AGBL4: variants seen among roughly 807,000 people sequenced by gnomAD.
AGBL4 encodes the protein cytosolic carboxypeptidase 6.
Under a neutral mutation model 66.4 loss-of-function variants are expected in AGBL4, and 58 were observed. The ratio of observed to expected loss-of-function variants is 0.87; its 90% CI spans 0.71 to 1.09. The LOEUF (loss-of-function observed/expected upper bound fraction) is 1.09, where lower values mean the gene tolerates loss of function less well. Ranked by LOEUF, AGBL4 falls within the 50% of genes least tolerant of loss-of-function variation. The pLI is 0.00. For missense variants in AGBL4, 579 were observed against 631.0 expected (o/e 0.92, Z 0.88); for synonymous variants, 234 against 222.9 (o/e 1.05, Z -0.44).
intron 4 of AGBL4, among the ~76,000 whole-genome samples, chr1:49,095,977 T>C (rs529586821): frequency 1.2e-4 from 18 of 151,488 alleles, no homozygotes; most frequent in Admixed American, 8.5e-4. Flanking sequence ...TACAATGAAA[T>C]CAAACAAATT....
In AGBL4 at chr1:49,474,809, G is replaced by C. The variant is rs1340435359; in HGVS notation, c.282+222504C>G. ...CTGTCCTTTTTGGAAAGACTTTCCA[G>C]GTATTTGAAATAACTGGAGTGTTGT... On this transcript the variant is annotated intron_variant, in intron 3 of 13. Coordinates refer to ENST00000371839, the MANE Select transcript of AGBL4 (RefSeq NM_032785.4). Among the ~76,000 whole-genome samples, 3 of 152,048 alleles carry C rather than the reference G, an allele frequency of 2.0e-5. No homozygotes were observed. The South Asian group carries it at 6.2e-4, about 32-fold the overall frequency.
At chr1:48,663,002 C>T (rs1259898760) in intron 7 of AGBL4, 150 bp downstream of exon 7, 9 of 664,744 alleles carry the variant, frequency 1.4e-5, no homozygotes, top group South Asian at 2.0e-5. Context: ...GAAATAAAAC[C>T]TAATGGAGAT....
At chr1:49,794,686 T>C (rs1557453517) in intron 2 of AGBL4, among the ~76,000 whole-genome samples, 1 of 151,990 alleles carries the variant, frequency 6.6e-6, no homozygotes, top group African/African-American at 2.4e-5. Context: ...GTTTTGATGA[T>C]AAAAGATTTT....
At chr1:49,063,456 T>C (rs969365195) in intron 4 of AGBL4, among the ~76,000 whole-genome samples, 3 of 152,172 alleles carry the variant, frequency 2.0e-5, no homozygotes, top group Non-Finnish European at 4.4e-5. Flanking sequence ...AGATAAATGA[T>C]TGGGCTGAAG....
At chr1:48,722,581 C>T (rs1647169330) in intron 6 of AGBL4, among the ~76,000 whole-genome samples, 1 of 152,096 alleles carries the variant, frequency 6.6e-6, no homozygotes, top group Non-Finnish European at 1.5e-5. Flanking sequence ...CTCTCTGGCT[C>T]CAAAACTGAT....
intron 1 of AGBL4, among the ~76,000 whole-genome samples, chr1:49,869,505 A>G (rs939335171): frequency 2.6e-5 from 4 of 152,182 alleles, no homozygotes; most frequent in African/African-American, 9.7e-5. Flanking sequence ...CAGAAAACTA[A>G]ATACCACATG....
intron 3 of AGBL4, among the ~76,000 whole-genome samples, chr1:49,619,114 G>T (rs904453974): frequency 6.6e-6 from 1 of 152,130 alleles, no homozygotes; most frequent in Non-Finnish European, 1.5e-5. Flanking sequence ...GGAAGTTCTG[G>T]TCAGGGCAAT....
At chr1:48,912,902 G>A (rs762349064) in intron 5 of AGBL4, among the ~76,000 whole-genome samples, 22 of 152,096 alleles carry the variant, frequency 1.4e-4, no homozygotes, top group Non-Finnish European at 2.8e-4. Context: ...CAGACCATAA[G>A]AGTCAGTGAA....
intron 2 of AGBL4, among the ~76,000 whole-genome samples, chr1:49,787,167 G>A (rs1476961167): frequency 2.6e-5 from 4 of 152,054 alleles, no homozygotes; most frequent in African/African-American, 9.7e-5. Flanking sequence ...AGAGAAGGGC[G>A]GACATATCAC....
At chr1:49,084,888 C>A (rs550882645) in intron 4 of AGBL4, among the ~76,000 whole-genome samples, 1 of 152,122 alleles carries the variant, frequency 6.6e-6, no homozygotes, top group Admixed American at 6.5e-5. Flanking sequence ...GGTCTGAGAC[C>A]GTCATGTTGT....
intron 1 of AGBL4, among the ~76,000 whole-genome samples, chr1:50,018,959 T>C (rs1662204547): frequency 1.3e-5 from 2 of 152,096 alleles, no homozygotes; most frequent in African/African-American, 4.8e-5. Context: ...ACCAAATATC[T>C]AACTTTAGCA....
At chr1:49,974,907 C>A (rs2148371286) in intron 1 of AGBL4, among the ~76,000 whole-genome samples, 1 of 152,072 alleles carries the variant, frequency 6.6e-6, no homozygotes, top group Middle Eastern at 3.4e-3. Flanking sequence ...TTCACAAAAC[C>A]TGGAAAAAAT....
intron 3 of AGBL4, chr1:49,471,880 C>T (rs951908248): frequency 1.3e-5 from 2 of 152,048 alleles, no homozygotes; most frequent in African/African-American, 2.4e-5. Flanking sequence ...AGAGTGGTGT[C>T]AGAGATGGCC....
chr1:48,733,900 C>G (rs1177466495), intron 6 of AGBL4, among the ~76,000 whole-genome samples: 1 of 152,172 alleles, frequency 6.6e-6, no homozygotes, highest in East Asian at 1.9e-4. Flanking sequence ...GAATCAGATA[C>G]AGTCCCCAGA....
At chr1:49,940,156 C>T (rs1654589153) in intron 1 of AGBL4, among the ~76,000 whole-genome samples, 1 of 152,152 alleles carries the variant, frequency 6.6e-6, no homozygotes, top group Non-Finnish European at 1.5e-5. Context: ...TATGAGATAC[C>T]ATCTCACACC....
intron 11 of AGBL4, among the ~76,000 whole-genome samples, chr1:48,570,934 G>A (rs1644552520): frequency 6.6e-6 from 1 of 152,152 alleles, no homozygotes; most frequent in East Asian, 1.9e-4. Context: ...CTGTAGTGGT[G>A]CAGACAGTTC....
At chr1:49,553,963 T>C (rs1231441292) in intron 3 of AGBL4, among the ~76,000 whole-genome samples, 1 of 152,068 alleles carries the variant, frequency 6.6e-6, no homozygotes, top group Admixed American at 6.5e-5. Flanking sequence ...CATAGTGGGA[T>C]CCCATCTCTT....
intron 1 of AGBL4, among the ~76,000 whole-genome samples, chr1:49,967,267 T>C (rs1657641656): frequency 6.6e-6 from 1 of 152,142 alleles, no homozygotes; most frequent in African/African-American, 2.4e-5. Context: ...TGAACCGAAA[T>C]GTCCATCAAT....
At chr1:49,084,585 C>G (rs550818870) in intron 4 of AGBL4, among the ~76,000 whole-genome samples, 1 of 152,156 alleles carries the variant, frequency 6.6e-6, no homozygotes, top group Non-Finnish European at 1.5e-5. Context: ...TCAATTAACT[C>G]CACCTGGCCC....
Sources: allele counts gnomAD v4.1 joint callset (sites outside exome capture counted in the v4.1 genomes callset), GRCh38; gene constraint gnomAD v4.1.1; transcripts MANE v1.5; gene names NCBI Gene and HGNC (gene_info 2026-07-23, HGNC 2026-07-21).